The following KBTBD11 variants were observed in gnomAD, a reference collection of about 807,000 sequenced individuals.
The protein encoded by KBTBD11 is kelch repeat and BTB domain containing 11.
For missense variants in KBTBD11, 1,390 were observed against 1,001.8 expected (o/e 1.39, Z -5.23); for synonymous variants, 747 against 499.0 (o/e 1.50, Z -6.63).
intron 1 of KBTBD11, among the ~76,000 whole-genome samples, chr8:1,980,904 C>T (rs1413021941): frequency 6.6e-6 from 1 of 152,196 alleles, no homozygotes; most frequent in Non-Finnish European, 1.5e-5. Flanking sequence ...CTGAGTTTCC[C>T]GCAGTTTCAT....
chr8:1,984,549 T>A (rs1432969511), intron 1 of KBTBD11, among the ~76,000 whole-genome samples: 3 of 151,904 alleles, frequency 2.0e-5, no homozygotes, highest in Non-Finnish European at 4.4e-5. Flanking sequence ...AGCCTCCCAA[T>A]GTGTTGGGAT....
chr8:1,974,010 G>C (rs2129306163), intron 1 of KBTBD11, 75 bp downstream of exon 1: 2 of 976,692 alleles, frequency 2.0e-6, no homozygotes, highest in Non-Finnish European at 2.4e-6. Context: ...GCGGGTCGGA[G>C]GGGGCGGCGG....
At chr8:1,984,811 G>T (rs1191718683) in intron 1 of KBTBD11, among the ~76,000 whole-genome samples, 3 of 152,140 alleles carry the variant, frequency 2.0e-5, no homozygotes, top group African/African-American at 7.2e-5. Flanking sequence ...GAAAGTGGCA[G>T]CCGATCATTG....
intron 1 of KBTBD11, chr8:1,974,598 GCGA>G: frequency 1.0e-6 from 1 of 985,070 alleles, no homozygotes; most frequent in Non-Finnish European, 1.2e-6. Flanking sequence ...CCCGAGCACC[GCGA>G]CCCACCCGCC....
Position 2,001,978 on chromosome 8 carries a change from C to T in KBTBD11, c.786C>T (p.His262=). 2 of 1,462,664 alleles carry T rather than the reference C, an allele frequency of 1.4e-6. No individual in the cohort carries two copies. The highest frequency in any genetic ancestry group is 1.8e-6 in the Non-Finnish European group (2 of 1,103,402). 90.6% of individuals were successfully genotyped at this position (1,462,664 alleles called of 1,614,324 possible). ...CCGCCTACTGCTTCATGAGCGACCA[C>T]TATCTGGAGGTGCTGCGCGAGCCCG... ...RDAAYCFMSD[H]YLEVLREPAV... Residue 262 remains histidine (H), a synonymous_variant, in exon 2 of 2, where the codon CAC becomes CAT. Coordinates refer to ENST00000320248, the MANE Select transcript of KBTBD11 (RefSeq NM_014867.3).
intron 1 of KBTBD11, among the ~76,000 whole-genome samples, chr8:1,988,354 T>C (rs1816770432): frequency 6.6e-6 from 1 of 152,196 alleles, no homozygotes; most frequent in African/African-American, 2.4e-5. Context: ...ACCAACAGTG[T>C]AAAAGCGTTC....
chr8:1,991,513 G>A (rs1393773528), intron 1 of KBTBD11, among the ~76,000 whole-genome samples: 1 of 152,200 alleles, frequency 6.6e-6, no homozygotes, highest in East Asian at 1.9e-4. Context: ...TCTTCTGCTG[G>A]AGATAATGAG....
At position 2,001,974 on chromosome 8, in the gene KBTBD11, A is replaced by G. The variant is rs776696507; in HGVS notation, c.782A>G (p.Asp261Gly). ...LRDAAYCFMS[D>G]HYLEVLREPA... The stretch of plus-strand genomic sequence containing the variant: ...GACGCCGCCTACTGCTTCATGAGCG[A>G]CCACTATCTGGAGGTGCTGCGCGAG... Residue 261 changes from aspartate (D) to glycine (G), a missense_variant, in exon 2 of 2, where the codon GAC (aspartate) becomes GGC (glycine). By Grantham distance (94) the Asp-to-Gly change is moderately conservative. Transcript: ENST00000320248. 6.8e-7 allele frequency: 1 copy of G among 1,465,400 alleles called. No homozygotes were observed. The highest frequency in any genetic ancestry group is 3.1e-5 in the East Asian group (1 of 32,582). 90.8% of individuals were successfully genotyped at this position (1,465,400 alleles called of 1,614,324 possible). A position where few individuals can be genotyped will look rare whatever the true frequency, so the allele number is the denominator to read the frequency against.
Position 2,002,346 on chromosome 8 carries a change from A to G in KBTBD11, c.1154A>G (p.Tyr385Cys), listed in dbSNP as rs1817411162. Reference protein sequence around the residue: ...RARPSDQVFCYNPATDSWSAV... With the variant: ...RARPSDQVFCCNPATDSWSAV... ...CGCCCGTCCGACCAGGTCTTCTGCT[A>G]CAACCCGGCCACGGACAGCTGGAGC... is the stretch of plus-strand genomic sequence containing the variant. Residue 385 changes from tyrosine to cysteine, a missense_variant, in exon 2 of 2, where the codon TAC becomes TGC. By Grantham distance (194) the Tyr-to-Cys change is radical. Coordinates refer to ENST00000320248, the MANE Select transcript of KBTBD11 (RefSeq NM_014867.3). The surrounding 1 kb of genome is among the most constrained non-coding windows in gnomAD (Gnocchi z 4.1). The G allele has an allele frequency of 2.0e-6, 3 of 1,463,464 alleles. No individual in the cohort carries two copies. Among genetic ancestry groups the G allele is most frequent in the Non-Finnish European group, 2.7e-6 (3 of 1,113,454 alleles). The allele number at this position is 1,463,464 out of a possible 1,614,324, so 90.7% of individuals were successfully genotyped here. A position where few individuals can be genotyped will look rare whatever the true frequency, so the allele number is the denominator to read the frequency against.
intron 1 of KBTBD11, among the ~76,000 whole-genome samples, chr8:1,975,514 C>T (rs1387743320): frequency 6.6e-6 from 1 of 152,232 alleles, no homozygotes; most frequent in East Asian, 1.9e-4. Flanking sequence ...CAGTCTGGAG[C>T]AGGAGTCTGT....
chr8:2,002,588 C>T lies in KBTBD11; in HGVS notation c.1396C>T (p.Leu466Phe). The change falls in exon 2 of 2, where the codon CTC (leucine) becomes TTC (phenylalanine). Residue 466 changes from leucine to phenylalanine, a missense_variant. Transcript: ENST00000320248. This position sits in a 1 kb window ranked among gnomAD's most constrained non-coding sequence, Gnocchi z 4.1. Reference protein sequence around the residue: ...HGEIYVSGGSLFYRLLKYDPR... With the variant: ...HGEIYVSGGSFFYRLLKYDPR... ...CGAGATCTACGTGTCCGGGGGCTCC[C>T]TCTTCTATCGCCTGCTCAAGTATGA... is the stretch of plus-strand genomic sequence containing the variant. The T allele has an allele frequency of 6.3e-7, 1 of 1,584,502 alleles. No homozygotes were observed. The highest frequency in any genetic ancestry group is 8.5e-7 in the Non-Finnish European group (1 of 1,174,276).
chr8:1,987,595 C>G (rs1816747052), intron 1 of KBTBD11, among the ~76,000 whole-genome samples: 2 of 152,142 alleles, frequency 1.3e-5, no homozygotes, highest in African/African-American at 2.4e-5. Flanking sequence ...TCAAGCTTGT[C>G]TGTACCTCGA....
In KBTBD11 at chr8:2,001,292, C is replaced by T. The variant is rs752423080; in HGVS notation, c.100C>T (p.Pro34Ser). The T allele has an allele frequency of 6.6e-7, 1 of 1,524,814 alleles. No homozygotes were observed. The highest frequency in any genetic ancestry group is 8.7e-7 in the Non-Finnish European group (1 of 1,144,440). 94.5% of individuals were successfully genotyped at this position (1,524,814 alleles called of 1,614,324 possible). Residue 34 changes from proline to serine, a missense_variant, in exon 2 of 2, where the codon CCC becomes TCC. By Grantham distance (74) the Pro-to-Ser change is moderately conservative (BLOSUM62 -1). Transcript: ENST00000320248. Reference sequence around the variant, plus strand: ...GGGCGCCGCGTCCCCGGCGCAGACACCCTGCAGTCTCGGCGCGTCCCTGTG... The same window carrying T: ...GGGCGCCGCGTCCCCGGCGCAGACATCCTGCAGTCTCGGCGCGTCCCTGTG... ...SEGAASPAQT[P>S]CSLGASLCFS...
intron 1 of KBTBD11, among the ~76,000 whole-genome samples, chr8:1,999,412 T>C (rs1038421726): frequency 1.3e-5 from 2 of 152,242 alleles, no homozygotes; most frequent in Admixed American, 1.3e-4. Flanking sequence ...TTTGGATGGT[T>C]GTGTTGTCCA....
chr8:1,991,577 A>AT lies in KBTBD11; in HGVS notation c.-908-8707dup, dbSNP rs1171490772. Reference sequence around the variant, plus strand: ...ATGAGGGCAGGGCCCTTGCTCCTGCATCAGCCCAGAGGCCCGTGCATCGCC... The same window carrying AT: ...ATGAGGGCAGGGCCCTTGCTCCTGCATTCAGCCCAGAGGCCCGTGCATCGCC... On this transcript the variant is annotated intron_variant, in intron 1 of 1. Coordinates refer to ENST00000320248, the MANE Select transcript of KBTBD11 (RefSeq NM_014867.3). 1.9e-3 allele frequency among the ~76,000 whole-genome samples: 292 copies of AT among 152,042 alleles called. 4 individuals are homozygous for AT. The highest frequency in any genetic ancestry group is 6.7e-3 in the African/African-American group (278 of 41,308).
chr8:1,992,357 C>T (rs928051122), intron 1 of KBTBD11, among the ~76,000 whole-genome samples: 1 of 152,078 alleles, frequency 6.6e-6, no homozygotes, highest in African/African-American at 2.4e-5. Flanking sequence ...GTGACCCACA[C>T]GTCCCCCAGA....
chr8:1,991,947 C>T (rs1021814919), intron 1 of KBTBD11, among the ~76,000 whole-genome samples: 3 of 152,104 alleles, frequency 2.0e-5, no homozygotes, highest in Admixed American at 6.5e-5. Flanking sequence ...TATTTCATCG[C>T]GGTAGACACA....
intron 1 of KBTBD11, among the ~76,000 whole-genome samples, chr8:1,998,517 A>AT (rs1267574222): frequency 2.6e-5 from 4 of 152,238 alleles, no homozygotes; most frequent in Non-Finnish European, 5.9e-5. Flanking sequence ...GATTAATTAC[A>AT]TAAAGATGAC....
intron 1 of KBTBD11, among the ~76,000 whole-genome samples, chr8:1,978,540 G>A (rs1816428685): frequency 6.6e-6 from 1 of 152,232 alleles, no homozygotes; most frequent in South Asian, 2.1e-4. Context: ...CCTGTGTGTT[G>A]AGTCAGGGTC....
Sources: gnomAD v4.1 joint callset for allele counts (sites outside exome capture counted in the v4.1 genomes callset) on GRCh38, gnomAD v4.1.1 for gene constraint, Gnocchi (gnomAD v3.1) non-coding constraint, MANE v1.5 for transcripts, NCBI Gene and HGNC (gene_info 2026-07-23, HGNC 2026-07-21) for gene names.